LRP6: variants seen among roughly 807,000 people sequenced by gnomAD.
LRP6 encodes the protein LDL receptor related protein 6.
A neutral mutation model predicts 184.1 loss-of-function variants in LRP6; 43 were observed. The ratio of observed to expected loss-of-function variants is 0.23; its 90% CI spans 0.18 to 0.30. LRP6 has a LOEUF of 0.30. LRP6 is among the 10% of genes least tolerant of loss of function. The probability of loss-of-function intolerance (pLI) is 1.00; values close to 1 mark genes in which losing one functional copy is unlikely to be tolerated. For synonymous variants in LRP6, 719 were observed against 684.9 expected, an observed-to-expected ratio of 1.05 and a Z score of -0.78; for missense variants, 1,571 against 2,005.3, an observed-to-expected ratio of 0.78 and a Z score of 4.14.
chr12:12,216,158 T>G (rs1864337840), intron 2 of LRP6, among the ~76,000 whole-genome samples: 1 of 152,192 alleles, frequency 6.6e-6, no homozygotes, highest in Non-Finnish European at 1.5e-5. Context: ...TTACTTCACT[T>G]TCTTCTGTCT....
chr12:12,232,287 G>A (rs1864811335), intron 2 of LRP6, among the ~76,000 whole-genome samples: 1 of 151,744 alleles, frequency 6.6e-6, no homozygotes, highest in African/African-American at 2.4e-5. Flanking sequence ...GGGAGGCTGA[G>A]GCAGAAGAGT....
In LRP6 at chr12:12,203,190, C is replaced by T. The variant is rs758024270; in HGVS notation, c.647+13G>A. 32 of 1,584,610 alleles carry T rather than the reference C, an allele frequency of 2.0e-5. No individual in the cohort carries two copies. Among genetic ancestry groups the T allele is most frequent in the Non-Finnish European group, 2.6e-5 (30 of 1,167,076 alleles). On this transcript the variant is annotated intron_variant, in intron 3 of 22. Transcript: ENST00000261349. ...GTTTTCTTAAAAGTTTTTTCTAATT[C>T]TTGTAATCTTACCGATTTGTTCCAT...
intron 2 of LRP6, among the ~76,000 whole-genome samples, chr12:12,219,583 C>T (rs1864434997): frequency 6.6e-6 from 1 of 152,182 alleles, no homozygotes; most frequent in African/African-American, 2.4e-5. Context: ...ACAAACAAGA[C>T]TCAAATCACA....
intron 2 of LRP6, among the ~76,000 whole-genome samples, chr12:12,240,964 T>C (rs1565700265): frequency 6.6e-6 from 1 of 152,246 alleles, no homozygotes; most frequent in Admixed American, 6.5e-5. Flanking sequence ...AACTGTATAC[T>C]GCTAGTCATT....
intron 2 of LRP6, among the ~76,000 whole-genome samples, chr12:12,209,593 T>C (rs1006420740): frequency 6.6e-6 from 1 of 152,208 alleles, no homozygotes; most frequent in African/African-American, 2.4e-5. Context: ...CATCTATAAA[T>C]ACTAAACATT....
intron 2 of LRP6, among the ~76,000 whole-genome samples, chr12:12,231,180 CAAAAAAAAAAAAAAAAA>C (rs10661340): frequency 4.2e-5 from 1 of 23,558 alleles, no homozygotes; most frequent in African/African-American, 2.2e-4. Context: ...GACTCCATCT[CAAAAAAAAAAAAAAAAA>C]AAAAAAAAAA....
At chr12:12,249,391 ACTCC>A in intron 1 of LRP6, 1 of 917,306 alleles carries the variant, frequency 1.1e-6, no homozygotes, top group Non-Finnish European at 1.8e-6. Flanking sequence ...AAAATATGAA[ACTCC>A]CTCAGCCACC....
At chr12:12,145,624 C>CTTTTTTTTTTTTTTTTTTTTT (rs1157764946) in intron 15 of LRP6, among the ~76,000 whole-genome samples, 2 of 80,312 alleles carry the variant, frequency 2.5e-5, no homozygotes, top group African/African-American at 7.4e-5. Context: ...TTTTCTTTTT[C>CTTTTTTTTTTTTTTTTTTTTT]TTTTTTTTTT....
At chr12:12,202,177 G>A (rs1349307026) in intron 3 of LRP6, among the ~76,000 whole-genome samples, 1 of 152,200 alleles carries the variant, frequency 6.6e-6, no homozygotes, top group African/African-American at 2.4e-5. Context: ...TGAAATGTAT[G>A]GTATATGCAG....
chr12:12,177,382 G>A (rs1277047956), intron 7 of LRP6, among the ~76,000 whole-genome samples: 2 of 152,134 alleles, frequency 1.3e-5, no homozygotes, highest in African/African-American at 4.8e-5. Context: ...TGGAAAAAGA[G>A]GGATTTTTAA....
In LRP6 at chr12:12,181,299, A is replaced by T. The variant is rs1432187263; in HGVS notation, c.1117T>A (p.Tyr373Asn). 1 of 1,614,064 alleles carries T rather than the reference A, an allele frequency of 6.2e-7. No individual in the cohort carries two copies. The highest frequency in any genetic ancestry group is 1.3e-5 in the African/African-American group (1 of 74,938). Residue 373 changes from tyrosine (Y) to asparagine (N), a missense_variant, in exon 6 of 23, where the codon TAC becomes AAC. Tyr to Asn is a moderately radical substitution (Grantham distance 143, BLOSUM62 -2). Around this residue, in one of 4 missense-constraint regions of LRP6, gnomAD observed 640 missense variants for 851.9 expected, o/e 0.75. Transcript: ENST00000261349. ...ACTTCATCATCAGTCCAGTAGATGT[A>T]GCCTTCCACAGGATCGTAATCTATG... ...IAIDYDPVEGYIYWTDDEVRA... is the reference protein window; with the variant it reads ...IAIDYDPVEGNIYWTDDEVRA...
At chr12:12,239,155 C>T (rs1201814484) in intron 2 of LRP6, among the ~76,000 whole-genome samples, 4 of 152,110 alleles carry the variant, frequency 2.6e-5, no homozygotes, top group African/African-American at 9.7e-5. Context: ...GAAAACAGAC[C>T]TTCCCAATTT....
chr12:12,176,021 G>A (rs1223041759), intron 7 of LRP6, among the ~76,000 whole-genome samples: 2 of 54,986 alleles, frequency 3.6e-5, no homozygotes, highest in South Asian at 8.4e-4. Context: ...AGTAAAACCT[G>A]ATCCTAAAAA....
chr12:12,121,499 G>C, intron 22 of LRP6, 79 bp from the exon 23 acceptor site: 1 of 1,288,852 alleles, frequency 7.8e-7, no homozygotes, highest in Non-Finnish European at 1.1e-6. Context: ...AGAGGTATTA[G>C]ATGTCAACTA....
At chr12:12,230,328 A>C (rs1273995683) in intron 2 of LRP6, among the ~76,000 whole-genome samples, 2 of 152,236 alleles carry the variant, frequency 1.3e-5, no homozygotes, top group African/African-American at 4.8e-5. Context: ...AGGATAAAAC[A>C]ACAAATCTTC....
chr12:12,124,412 G>T (rs530360085), intron 22 of LRP6, among the ~76,000 whole-genome samples, 153 bp downstream of exon 22: 4 of 152,094 alleles, frequency 2.6e-5, no homozygotes, highest in Non-Finnish European at 4.4e-5. Context: ...GAAAGGAAAG[G>T]ATTTGTGGTA....
intron 7 of LRP6, among the ~76,000 whole-genome samples, chr12:12,171,525 A>G (rs1863042779): frequency 9.0e-6 from 1 of 111,234 alleles, no homozygotes; most frequent in African/African-American, 3.6e-5. Flanking sequence ...CAGTCTCAAA[A>G]AAAAATAAAA....
intron 1 of LRP6, 45 bp downstream of exon 1, chr12:12,266,636 T>TC (rs1474437036): frequency 2.1e-6 from 2 of 964,186 alleles, no homozygotes; most frequent in Non-Finnish European, 2.9e-6. Flanking sequence ...CAAGGCCACC[T>TC]CCCCCCGAAC....
intron 4 of LRP6, chr12:12,186,686 T>G: frequency 2.0e-6 from 1 of 494,786 alleles, no homozygotes; most frequent in Non-Finnish European, 3.6e-6. Flanking sequence ...TGAGACACAG[T>G]CTTTCTCTGT....
Sources: gnomAD v4.1 joint callset for allele counts (sites outside exome capture counted in the v4.1 genomes callset) on GRCh38, gnomAD v4.1.1 for gene constraint, gnomAD v4.1.1 regional missense constraint, MANE v1.5 for transcripts, NCBI Gene and HGNC (gene_info 2026-07-23, HGNC 2026-07-21) for gene names.